The following ITPR1 variants were observed in gnomAD, a reference collection of about 807,000 sequenced individuals.
The protein encoded by ITPR1 is inositol 1,4,5-trisphosphate-gated calcium channel ITPR1.
Under a neutral mutation model 318.4 loss-of-function variants are expected in ITPR1, and 96 were observed. That is an observed-to-expected ratio of 0.30 (90% CI 0.26 to 0.36). ITPR1 has a LOEUF of 0.36. Ranked by LOEUF, ITPR1 falls within the 10% of genes least tolerant of loss-of-function variation. The pLI, the probability that ITPR1 is intolerant of heterozygous loss-of-function variation, is 1.00. For synonymous variants in ITPR1, 1,312 were observed against 1,289.9 expected (o/e 1.02, Z -0.37); for missense variants, 2,440 against 3,460.2 (o/e 0.71, Z 7.40).
intron 54 of ITPR1, among the ~76,000 whole-genome samples, chr3:4,802,094 C>T (rs944001379): frequency 3.3e-5 from 5 of 152,084 alleles, no homozygotes; most frequent in South Asian, 4.1e-4. Context: ...AAAAGGGTTC[C>T]GTGATTGAAT....
Position 4,788,136 on chromosome 3 carries a change from A to C in ITPR1, c.6805A>C (p.Arg2269=). ...TGAAATGAATTGGCAGAAGAAACTG[A>C]GAGGTGGGTTCCAACGCATCAGCAA... ...FNEMNWQKKL[R]AQPVLYWCAR... is the part of the protein sequence containing the mutation. The change falls in exon 52 of 62, where the codon AGA becomes CGA. Residue 2269 remains arginine (R), a synonymous_variant. Transcript: ENST00000649015. 1.3e-6 allele frequency: 2 copies of C among 1,598,714 alleles called. No individual in the cohort carries two copies. The highest frequency in any genetic ancestry group is 1.1e-5 in the South Asian group (1 of 88,036).
chr3:4,662,087 C>T lies in ITPR1; in HGVS notation c.1257C>T (p.Gly419=). ...EEEKPVMLKI[G]TSPVKEDKEA... ...AGGACCACCTTGAATTTCAGATTGG[C>T]ACCTCTCCTGTGAAGGAGGATAAGG... is the stretch of plus-strand genomic sequence containing the variant. Residue 419 remains glycine (G), a synonymous_variant, in exon 15 of 62, where the codon GGC becomes GGT. Transcript: ENST00000649015. 1.2e-6 allele frequency: 2 copies of T among 1,612,402 alleles called. No individual in the cohort carries two copies. Among genetic ancestry groups the T allele is most frequent in the Non-Finnish European group, 1.7e-6 (2 of 1,178,818 alleles).
At chr3:4,633,700 C>A (rs1409118442) in intron 5 of ITPR1, among the ~76,000 whole-genome samples, 3 of 152,214 alleles carry the variant, frequency 2.0e-5, no homozygotes, top group Non-Finnish European at 4.4e-5. Flanking sequence ...ATCCGCAAAT[C>A]ACATAAATTT....
intron 4 of ITPR1, among the ~76,000 whole-genome samples, chr3:4,568,854 G>T (rs563595084): frequency 1.3e-5 from 2 of 152,162 alleles, no homozygotes; most frequent in African/African-American, 4.8e-5. Flanking sequence ...AAGAAAAGAG[G>T]TTTAATTGGC....
At chr3:4,657,504 G>A (rs1367932790) in intron 12 of ITPR1, among the ~76,000 whole-genome samples, 1 of 140,604 alleles carries the variant, frequency 7.1e-6, no homozygotes, top group Admixed American at 7.5e-5. Context: ...GTCTCACTCT[G>A]TCGTCTAGGC....
At chr3:4,655,313 T>A (rs768052144) in intron 12 of ITPR1, among the ~76,000 whole-genome samples, 2 of 152,198 alleles carry the variant, frequency 1.3e-5, no homozygotes, top group Non-Finnish European at 2.9e-5. Context: ...TGAGCGCTGA[T>A]GTCCAAGTGA....
At chr3:4,806,695 T>C (rs2048575441) in intron 55 of ITPR1, among the ~76,000 whole-genome samples, 1 of 152,186 alleles carries the variant, frequency 6.6e-6, no homozygotes. Flanking sequence ...GAGTAGGAGC[T>C]AGTTTTGAAG....
intron 55 of ITPR1, among the ~76,000 whole-genome samples, chr3:4,807,092 G>GCTTACAAAGAGAGGGA: frequency 1.4e-5 from 1 of 69,202 alleles, no homozygotes; most frequent in Non-Finnish European, 2.8e-5. Context: ...AGAGAGGGGG[G>GCTTACAAAGAGAGGGA]CTTACAAAGA....
intron 4 of ITPR1, among the ~76,000 whole-genome samples, chr3:4,565,758 T>C (rs547094384): frequency 2.6e-5 from 4 of 152,350 alleles, no homozygotes; most frequent in Non-Finnish European, 1.5e-5. Flanking sequence ...GTGATTGATA[T>C]TGAAACAGAA....
chr3:4,612,321 T>G (rs10084763), intron 4 of ITPR1, among the ~76,000 whole-genome samples: 2 of 151,728 alleles, frequency 1.3e-5, no homozygotes, highest in East Asian at 2.0e-4. Flanking sequence ...CTCGGCCTCC[T>G]AAAGTGCTAG....
intron 6 of ITPR1, among the ~76,000 whole-genome samples, chr3:4,640,069 C>T (rs1463865849): frequency 4.6e-5 from 7 of 152,182 alleles, no homozygotes; most frequent in Non-Finnish European, 1.0e-4. Flanking sequence ...TCTCTGGGTC[C>T]ATGCCAGTCT....
intron 2 of ITPR1, among the ~76,000 whole-genome samples, chr3:4,511,185 G>T (rs2081796928): frequency 6.6e-6 from 1 of 152,216 alleles, no homozygotes; most frequent in Non-Finnish European, 1.5e-5. Flanking sequence ...AGAGAAGGCA[G>T]AGAGCAATAC....
intron 1 of ITPR1, among the ~76,000 whole-genome samples, chr3:4,494,030 G>A (rs2080355439): frequency 6.6e-6 from 1 of 152,186 alleles, no homozygotes; most frequent in Non-Finnish European, 1.5e-5. Context: ...CCCGTGGGGA[G>A]GGTTTTTAAA....
At chr3:4,758,483 G>C (rs1485169250) in intron 44 of ITPR1, among the ~76,000 whole-genome samples, 1 of 152,194 alleles carries the variant, frequency 6.6e-6, no homozygotes, top group East Asian at 1.9e-4. Flanking sequence ...GGACAGGTAG[G>C]CTGGCTCACA....
intron 4 of ITPR1, among the ~76,000 whole-genome samples, chr3:4,522,169 C>G (rs1011892276): frequency 1.3e-5 from 2 of 151,892 alleles, no homozygotes; most frequent in African/African-American, 4.8e-5. Context: ...ACTATAGAGC[C>G]CTAACATCTA....
intron 52 of ITPR1, among the ~76,000 whole-genome samples, chr3:4,792,172 C>G (rs1034342528): frequency 6.6e-6 from 1 of 152,146 alleles, no homozygotes; most frequent in Non-Finnish European, 1.5e-5. Context: ...CTCACCTACA[C>G]GGATACTTGT....
intron 5 of ITPR1, 65 bp from the exon 6 acceptor site, chr3:4,639,319 G>A (rs970119031): frequency 1.4e-5 from 17 of 1,200,696 alleles, no homozygotes; most frequent in African/African-American, 4.5e-5. Flanking sequence ...TTTGTTCTGC[G>A]TCACTGCAGT....
intron 4 of ITPR1, among the ~76,000 whole-genome samples, chr3:4,524,912 C>T (rs1226695993): frequency 2.6e-5 from 4 of 152,146 alleles, no homozygotes; most frequent in South Asian, 2.1e-4. Flanking sequence ...GGCTCTATCT[C>T]ATAAGGTCAT....
intron 31 of ITPR1, among the ~76,000 whole-genome samples, chr3:4,690,706 T>C (rs2094467305): frequency 6.6e-6 from 1 of 152,222 alleles, no homozygotes; most frequent in Non-Finnish European, 1.5e-5. Context: ...CTACTCCAAA[T>C]GCCCTTCCAC....
Sources: gnomAD v4.1 joint callset for allele counts (sites outside exome capture counted in the v4.1 genomes callset) on GRCh38, gnomAD v4.1.1 for gene constraint, MANE v1.5 for transcripts, NCBI Gene and HGNC (gene_info 2026-07-23, HGNC 2026-07-21) for gene names.